The following CFAP69 variants were observed in gnomAD, a reference collection of about 807,000 sequenced individuals.
CFAP69 encodes the protein cilia and flagella associated protein 69, also known as cilia- and flagella-associated protein 69.
CFAP69 carries 92 observed loss-of-function variants against 123.0 expected under a neutral mutation model. That is an observed-to-expected ratio of 0.75 (90% CI 0.63 to 0.89). The LOEUF (loss-of-function observed/expected upper bound fraction) is 0.89, where lower values mean the gene tolerates loss of function less well. Ranked by LOEUF, CFAP69 falls within the 40% of genes least tolerant of loss-of-function variation. The probability of loss-of-function intolerance (pLI) is 0.00; values close to 1 mark genes in which losing one functional copy is unlikely to be tolerated. For synonymous variants in CFAP69, 380 were observed against 364.3 expected, an observed-to-expected ratio of 1.04 and a Z score of -0.49; for missense variants, 1,067 against 1,096.9, an observed-to-expected ratio of 0.97 and a Z score of 0.39.
At chr7:90,292,017 G>A (rs541681570) in intron 15 of CFAP69, among the ~76,000 whole-genome samples, 2 of 152,146 alleles carry the variant, frequency 1.3e-5, no homozygotes, top group South Asian at 4.2e-4. Context: ...TCTAACAACA[G>A]GTGTACCATA....
chr7:90,302,621 C>T (rs1260646347), intron 17 of CFAP69: 1 of 152,102 alleles, frequency 6.6e-6, no homozygotes, highest in Non-Finnish European at 1.5e-5. Context: ...TGTTGAAGAT[C>T]AAGTAGTTGT....
rs777982883 is a variant in CFAP69 at position 90,279,808 on chromosome 7, A to C, written c.1287A>C (p.Ser429=). The C allele has an allele frequency of 3.1e-6, 5 of 1,612,964 alleles. 1 individual carries two copies. In the South Asian group the frequency reaches 5.5e-5, roughly 18 times the overall value. The change falls in exon 12 of 23, where the codon TCA becomes TCC. Residue 429 remains serine, a synonymous_variant. Transcript: ENST00000389297. ...LQLHAIATLS[S]VAPLLIEEYM... ...TGCATGCAATTGCCACTTTGTCATC[A>C]GTGGCTCCTTTATTAATAGAAGAAT...
chr7:90,274,737 T>A (rs777975459), intron 9 of CFAP69, among the ~76,000 whole-genome samples: 7 of 152,180 alleles, frequency 4.6e-5, no homozygotes, highest in Non-Finnish European at 7.4e-5. Context: ...TCTCACTGTT[T>A]TCAAGATTTT....
chr7:90,323,211 A>G, the CFAP69 span, among the ~76,000 whole-genome samples: 1 of 152,174 alleles, frequency 6.6e-6, no homozygotes, highest in Non-Finnish European at 1.5e-5. Flanking sequence ...TCTTTATGTG[A>G]GTGATTTTTC....
intron 13 of CFAP69, among the ~76,000 whole-genome samples, chr7:90,284,406 C>T (rs1229521631): frequency 6.6e-6 from 1 of 152,130 alleles, no homozygotes; most frequent in Non-Finnish European, 1.5e-5. Flanking sequence ...AACCAAAAAC[C>T]ACCTATTCCC....
intron 4 of CFAP69, among the ~76,000 whole-genome samples, chr7:90,264,013 C>T (rs1320997079): frequency 1.3e-5 from 2 of 149,248 alleles, no homozygotes; most frequent in Non-Finnish European, 3.0e-5. Flanking sequence ...ATGGCGTGAA[C>T]CCAGAAGGCA....
chr7:90,259,594 G>T (rs992628598), intron 3 of CFAP69, among the ~76,000 whole-genome samples: 5 of 151,956 alleles, frequency 3.3e-5, no homozygotes, highest in African/African-American at 1.2e-4. Context: ...GGGCTTAAGC[G>T]ATCCTCTCAC....
intron 6 of CFAP69, among the ~76,000 whole-genome samples, chr7:90,269,737 C>T (rs185192744): frequency 5.9e-5 from 9 of 152,180 alleles, no homozygotes; most frequent in Admixed American, 5.2e-4. Flanking sequence ...TGAATGCAGA[C>T]ATATCTTAAG....
At chr7:90,251,789 T>G (rs1206280743) in intron 1 of CFAP69, 2 of 152,306 alleles carry the variant, frequency 1.3e-5, no homozygotes, top group Non-Finnish European at 1.5e-5. Flanking sequence ...ATGAAATGGA[T>G]AATGCAAGAT....
At chr7:90,317,477 G>A in the CFAP69 span, 1 of 141,040 alleles carries the variant, frequency 7.1e-6, no homozygotes, top group Non-Finnish European at 1.6e-5. Flanking sequence ...GGCAAGATAA[G>A]AAGTTTTCAA....
intron 16 of CFAP69, among the ~76,000 whole-genome samples, chr7:90,299,160 A>G (rs1446812635): frequency 6.6e-6 from 1 of 152,168 alleles, no homozygotes; most frequent in African/African-American, 2.4e-5. Flanking sequence ...TTCCTTTGCT[A>G]TATTCAAATA....
At chr7:90,321,187 G>T in the CFAP69 span, 76,777 of 152,210 alleles carry the variant, frequency 0.5, 20,251 homozygotes, top group Non-Finnish European at 0.59. Context: ...GCCCAAGCTC[G>T]CTCAGCGGAA....
In CFAP69 at chr7:90,307,036, A is replaced by C. The variant is rs1350299406; in HGVS notation, c.2401A>C (p.Ser801Arg). 6.2e-7 allele frequency: 1 copy of C among 1,613,284 alleles called. No individual in the cohort carries two copies. The highest frequency in any genetic ancestry group is 2.2e-5 in the East Asian group (1 of 44,792). ...TGGAAAGATGGTTGCTTCTCTGCAA[A>C]GTGATATAATTGAAAGCCAAGCATG... ...NIGKMVASLQ[S>R]DIIESQACQD... Residue 801 changes from serine to arginine, a missense_variant, in exon 20 of 23, where the codon AGT (serine) becomes CGT (arginine). Coordinates refer to ENST00000389297, the MANE Select transcript of CFAP69 (RefSeq NM_001039706.3).
chr7:90,294,538 C>T (rs1002075387), intron 15 of CFAP69, among the ~76,000 whole-genome samples: 5 of 152,120 alleles, frequency 3.3e-5, no homozygotes, highest in South Asian at 2.1e-4. Flanking sequence ...AACCCTGGAC[C>T]GGGGCCGCCA....
chr7:90,303,622 A>G, intron 17 of CFAP69: 1 of 972,234 alleles, frequency 1.0e-6, no homozygotes, highest in Non-Finnish European at 1.2e-6. Flanking sequence ...TATAGAAACC[A>G]AAAGTAAACA....
intron 18 of CFAP69, chr7:90,304,475 T>A: frequency 8.1e-7 from 1 of 1,236,472 alleles, no homozygotes; most frequent in Non-Finnish European, 1.0e-6. Context: ...GCTTCTGAAG[T>A]AAGATATTAT....
chr7:90,278,747 A>G (rs1788987798), intron 11 of CFAP69, among the ~76,000 whole-genome samples: 2 of 152,070 alleles, frequency 1.3e-5, no homozygotes, highest in African/African-American at 4.8e-5. Flanking sequence ...ATTACTAGTA[A>G]TGATAATGAA....
intron 15 of CFAP69, among the ~76,000 whole-genome samples, chr7:90,294,362 A>C (rs748267950): frequency 5.3e-5 from 8 of 152,232 alleles, no homozygotes; most frequent in Non-Finnish European, 1.2e-4. Flanking sequence ...AGTCACATGA[A>C]CTGAACATCA....
chr7:90,288,959 A>T (rs1376793177), intron 15 of CFAP69, among the ~76,000 whole-genome samples: 1 of 151,946 alleles, frequency 6.6e-6, no homozygotes, highest in East Asian at 1.9e-4. Context: ...AGCTTAAAAT[A>T]CAAATACATT....
Sources: allele counts gnomAD v4.1 joint callset (sites outside exome capture counted in the v4.1 genomes callset), GRCh38; gene constraint gnomAD v4.1.1; transcripts MANE v1.5; gene names NCBI Gene and HGNC (gene_info 2026-07-23, HGNC 2026-07-21).